IMMP2L: variants seen among roughly 807,000 people sequenced by gnomAD.
IMMP2L encodes mitochondrial inner membrane protease subunit 2.
In IMMP2L, 18 loss-of-function variants were observed where a neutral mutation model predicts 19.3. The ratio of observed to expected loss-of-function variants is 0.93; its 90% CI spans 0.64 to 1.38. The LOEUF is 1.38. Among genes scored for constraint, IMMP2L ranks in the 40% most tolerant of loss-of-function variants. IMMP2L has a pLI of 0.00. For missense variants in IMMP2L, 233 were observed against 218.2 expected (o/e 1.07, Z -0.43); for synonymous variants, 76 against 73.0 (o/e 1.04, Z -0.21).
intron 5 of IMMP2L, among the ~76,000 whole-genome samples, chr7:110,716,663 A>T (rs1356510540): frequency 6.6e-6 from 1 of 152,230 alleles, no homozygotes. Flanking sequence ...TCTGCTGAGA[A>T]GTTTGCTGTT....
chr7:111,192,204 T>C (rs1190573035), intron 3 of IMMP2L, among the ~76,000 whole-genome samples: 3 of 152,110 alleles, frequency 2.0e-5, no homozygotes, highest in African/African-American at 7.2e-5. Flanking sequence ...CTTGATCAGA[T>C]TATTTTATGC....
chr7:111,007,813 T>A lies in IMMP2L; in HGVS notation c.240-44248A>T, dbSNP rs1172333256. ...GACATCCTACTGCCTACCTGTTATC[T>A]CCACTTGGCTGTGTCATAAGCATCT... On this transcript the variant is annotated intron_variant, in intron 3 of 5. Coordinates refer to ENST00000405709, the MANE Select transcript of IMMP2L (RefSeq NM_032549.4). 3.9e-5 allele frequency among the ~76,000 whole-genome samples: 6 copies of A among 152,138 alleles called. No homozygotes were observed. In the East Asian group the frequency reaches 1.2e-3, roughly 29 times the overall value.
rs1801398238 is a variant in IMMP2L, at chr7:110,803,451, G to C, written c.408+83142C>G. On this transcript the variant is annotated intron_variant, in intron 5 of 5. Transcript: ENST00000405709. The surrounding 1 kb of genome is among the most constrained non-coding windows in gnomAD (Gnocchi z 4.2). ...AAGGCAGACTCTGAAACAGAATTTA[G>C]TGTTTAAGATGTTTATAGAGAGTAG... Among the ~76,000 whole-genome samples the C allele has an allele frequency of 1.3e-5, 2 of 152,122 alleles. No homozygotes were observed. The highest frequency in any genetic ancestry group is 6.6e-5 in the Admixed American group (1 of 15,262).
At chr7:111,027,960 G>T (rs1339049280) in intron 3 of IMMP2L, among the ~76,000 whole-genome samples, 1 of 152,014 alleles carries the variant, frequency 6.6e-6, no homozygotes, top group East Asian at 1.9e-4. Flanking sequence ...AAAGGCAAAA[G>T]CAAATGAAAC....
intron 3 of IMMP2L, among the ~76,000 whole-genome samples, chr7:111,285,770 C>T (rs1295186253): frequency 1.3e-5 from 2 of 152,188 alleles, no homozygotes; most frequent in Admixed American, 1.3e-4. Flanking sequence ...AGAGACCACA[C>T]TTAATTCATA....
At chr7:111,512,828 G>C (rs1273922005) in intron 2 of IMMP2L, among the ~76,000 whole-genome samples, 2 of 152,044 alleles carry the variant, frequency 1.3e-5, no homozygotes, top group East Asian at 3.9e-4. Context: ...TTTCAACAAA[G>C]ATGCCAAGAA....
intron 3 of IMMP2L, among the ~76,000 whole-genome samples, chr7:111,141,877 T>C (rs927578745): frequency 6.6e-6 from 1 of 152,118 alleles, no homozygotes; most frequent in Non-Finnish European, 1.5e-5. Flanking sequence ...ATTTTTAATT[T>C]TGTTTTTGTA....
At chr7:111,447,499 G>A (rs1490923201) in intron 3 of IMMP2L, among the ~76,000 whole-genome samples, 1 of 145,584 alleles carries the variant, frequency 6.9e-6, no homozygotes, top group East Asian at 2.1e-4. Flanking sequence ...TTACAGACAA[G>A]CAAATGCTGA....
intron 5 of IMMP2L, among the ~76,000 whole-genome samples, chr7:110,737,387 G>T (rs538822506): frequency 1.3e-5 from 2 of 152,176 alleles, no homozygotes; most frequent in South Asian, 2.1e-4. Flanking sequence ...TGGGAGCAGG[G>T]TGAGGCCTGT....
chr7:110,951,113 G>A (rs1167349856), intron 4 of IMMP2L, among the ~76,000 whole-genome samples: 1 of 151,314 alleles, frequency 6.6e-6, no homozygotes, highest in African/African-American at 2.4e-5. Flanking sequence ...GTTACCAGGA[G>A]CTGGGGGAGG....
At chr7:110,956,290 A>C (rs924020871) in intron 4 of IMMP2L, among the ~76,000 whole-genome samples, 7 of 152,068 alleles carry the variant, frequency 4.6e-5, no homozygotes, top group African/African-American at 1.7e-4. Flanking sequence ...TTAGTCTGCA[A>C]TATCAATACT....
chr7:111,325,451 TATAG>T (rs1825210891), intron 3 of IMMP2L, among the ~76,000 whole-genome samples: 2 of 151,700 alleles, frequency 1.3e-5, no homozygotes, highest in Non-Finnish European at 3.0e-5. Flanking sequence ...TTAATATAGC[TATAG>T]ATATTTTACC....
chr7:111,467,839 T>C (rs2132071134), intron 3 of IMMP2L, among the ~76,000 whole-genome samples: 1 of 152,242 alleles, frequency 6.6e-6, no homozygotes, highest in South Asian at 2.1e-4. Flanking sequence ...CTCCAAGAAG[T>C]AGTACACTCC....
rs111930014 is a variant in IMMP2L, at chr7:111,222,228, A to G, written c.240-258663T>C. Among the ~76,000 whole-genome samples, 535 of 152,130 alleles carry G rather than the reference A, an allele frequency of 3.5e-3. 3 individuals are homozygous for G. The highest frequency in any genetic ancestry group is 0.012 in the African/African-American group (505 of 41,512). On this transcript the variant is annotated intron_variant, in intron 3 of 5. Coordinates refer to ENST00000405709, the MANE Select transcript of IMMP2L (RefSeq NM_032549.4). ...CCTACCTCAATTCCTGATTGATTAG[A>G]CCTAATGTGAAAAGTAAAATATAGA... is the stretch of plus-strand genomic sequence containing the variant.
intron 5 of IMMP2L, among the ~76,000 whole-genome samples, chr7:110,833,090 T>G (rs1365623529): frequency 6.6e-6 from 1 of 152,182 alleles, no homozygotes; most frequent in East Asian, 1.9e-4. Context: ...GAACATTTAT[T>G]GCATTGCTGG....
At chr7:111,499,649 T>C (rs897160194) in intron 2 of IMMP2L, among the ~76,000 whole-genome samples, 1 of 152,194 alleles carries the variant, frequency 6.6e-6, no homozygotes, top group Admixed American at 6.5e-5. Context: ...CACTTGTCCA[T>C]AGAAAGCTTA....
At chr7:110,887,248 T>C (rs1810313827) in intron 4 of IMMP2L, among the ~76,000 whole-genome samples, 1 of 152,072 alleles carries the variant, frequency 6.6e-6, no homozygotes, top group Admixed American at 6.6e-5. Context: ...CAGTTGAAAA[T>C]TTTTAACCAG....
At chr7:111,272,841 T>C (rs906614662) in intron 3 of IMMP2L, among the ~76,000 whole-genome samples, 17 of 152,314 alleles carry the variant, frequency 1.1e-4, no homozygotes. Context: ...GCTTTTCATT[T>C]ACCCAGTAAG....
intron 5 of IMMP2L, among the ~76,000 whole-genome samples, chr7:110,847,782 G>A (rs867511501): frequency 1.1e-4 from 17 of 152,094 alleles, no homozygotes; most frequent in Middle Eastern, 6.3e-3. Flanking sequence ...TTTGACAAAG[G>A]AATGAAGGTA....
Sources: gnomAD v4.1 joint callset for allele counts (sites outside exome capture counted in the v4.1 genomes callset) on GRCh38, gnomAD v4.1.1 for gene constraint, Gnocchi (gnomAD v3.1) non-coding constraint, MANE v1.5 for transcripts, NCBI Gene and HGNC (gene_info 2026-07-23, HGNC 2026-07-21) for gene names.